PLAC1: variants seen among roughly 807,000 people sequenced by gnomAD.
PLAC1 encodes placenta-specific protein 1.
For missense variants in PLAC1, 136 were observed against 163.2 expected (o/e 0.83, Z 0.91); for synonymous variants, 68 against 62.1 (o/e 1.09, Z -0.44).
At chrX:134,703,582 CTGG>C (rs1457716525) in intron 2 of PLAC1, among the ~76,000 whole-genome samples, 3 of 110,501 alleles carry the variant, frequency 2.7e-5, no homozygotes, top group African/African-American at 6.6e-5. Flanking sequence ...CAATAAAGGA[CTGG>C]AGTTCAAGAA....
intron 2 of PLAC1, among the ~76,000 whole-genome samples, chrX:134,708,386 A>T (rs1290511089): frequency 9.0e-6 from 1 of 111,303 alleles, no homozygotes; most frequent in Non-Finnish European, 1.9e-5. Flanking sequence ...ATACTGTATT[A>T]TTTCACTTAT....
chrX:134,744,104 C>T (rs1200609458), intron 1 of PLAC1, among the ~76,000 whole-genome samples: 5 of 110,512 alleles, frequency 4.5e-5, no homozygotes, highest in East Asian at 2.8e-4. Context: ...GCCAACATGG[C>T]GAAAGCCCCA....
intron 2 of PLAC1, among the ~76,000 whole-genome samples, chrX:134,575,487 G>A (rs764593558): frequency 1.8e-5 from 2 of 109,630 alleles, no homozygotes; most frequent in East Asian, 2.9e-4. Context: ...ACAGGGTGTT[G>A]AGCCGGGCGC....
chrX:134,725,212 T>C (rs1356817174), intron 2 of PLAC1, among the ~76,000 whole-genome samples: 2 of 111,724 alleles, frequency 1.8e-5, no homozygotes, highest in African/African-American at 3.3e-5. Context: ...TGAATGTCAC[T>C]GTCACCCAGA....
rs758020198 is a variant in PLAC1 at position 134,602,822 on chromosome X, G to A, written c.-130-700C>T. On this transcript the variant is annotated intron_variant, in intron 1 of 2. Coordinates refer to ENST00000359237, the MANE Select transcript of PLAC1 (RefSeq NM_021796.4). The stretch of plus-strand genomic sequence containing the variant: ...GGTAAAGGGAGAAGCCAATTACAAA[G>A]GGCAGCATGAGGGGATTTGGGGGGT... Among the ~76,000 whole-genome samples, 3 of 110,025 alleles carry A rather than the reference G, an allele frequency of 2.7e-5. No individual in the cohort carries two copies. In the South Asian group the frequency reaches 1.2e-3, roughly 44 times the overall value.
intron 1 of PLAC1, among the ~76,000 whole-genome samples, chrX:134,652,853 A>G (rs1377081513): frequency 9.0e-6 from 1 of 111,707 alleles, no homozygotes; most frequent in Non-Finnish European, 1.9e-5. Context: ...CTTAAGAGAC[A>G]TGGCAGAGCT....
chrX:134,755,840 C>A (rs867358969), intron 1 of PLAC1, among the ~76,000 whole-genome samples: 5 of 84,604 alleles, frequency 5.9e-5, no homozygotes, highest in Non-Finnish European at 9.6e-5. Context: ...TCTTTCTTTT[C>A]TTTTTCCTTT....
intron 2 of PLAC1, among the ~76,000 whole-genome samples, chrX:134,691,419 G>A (rs143169769): frequency 2.3e-4 from 25 of 110,888 alleles, no homozygotes; most frequent in African/African-American, 6.6e-4. Flanking sequence ...GTGTGCTCTG[G>A]GCAAGCTTCA....
At chrX:134,663,987 T>A (rs1303187614) in intron 2 of PLAC1, among the ~76,000 whole-genome samples, 1 of 111,737 alleles carries the variant, frequency 8.9e-6, no homozygotes, top group Non-Finnish European at 1.9e-5. Context: ...ACAAGAGACT[T>A]TGAAGTTATA....
chrX:134,576,455 G>T (rs1367363834), intron 2 of PLAC1, among the ~76,000 whole-genome samples: 1 of 107,001 alleles, frequency 9.3e-6, no homozygotes, highest in Non-Finnish European at 1.9e-5. Context: ...AGAATCGCTT[G>T]AACCCAGGAG....
At chrX:134,694,272 T>C (rs766918069) in intron 2 of PLAC1, among the ~76,000 whole-genome samples, 1 of 111,621 alleles carries the variant, frequency 9.0e-6, no homozygotes, top group Non-Finnish European at 1.9e-5. Context: ...TCATTAGACA[T>C]GTTAATTTTT....
chrX:134,654,236 C>T (rs2078377500), intron 1 of PLAC1, among the ~76,000 whole-genome samples: 1 of 111,934 alleles, frequency 8.9e-6, no homozygotes. Flanking sequence ...TAACTAGCAC[C>T]ATTAGTGGAG....
At chrX:134,694,974 G>A (rs1456160387) in intron 2 of PLAC1, among the ~76,000 whole-genome samples, 1 of 112,035 alleles carries the variant, frequency 8.9e-6, no homozygotes, top group Non-Finnish European at 1.9e-5. Flanking sequence ...TGAAAGTCAG[G>A]TTGTACCTCT....
chrX:134,696,957 C>T (rs764110912), intron 2 of PLAC1, among the ~76,000 whole-genome samples: 238 of 107,576 alleles, frequency 2.2e-3, no homozygotes, highest in African/African-American at 7.6e-3. Context: ...GGCGTGAACC[C>T]GGGAGGCGGA....
At chrX:134,605,009 T>C (rs2078115846) in intron 1 of PLAC1, among the ~76,000 whole-genome samples, 1 of 111,084 alleles carries the variant, frequency 9.0e-6, no homozygotes, top group Admixed American at 9.6e-5. Context: ...CCATTGGTGC[T>C]TTGTCTACTT....
intron 2 of PLAC1, among the ~76,000 whole-genome samples, chrX:134,681,308 C>T (rs1044192175): frequency 9.0e-6 from 1 of 110,787 alleles, no homozygotes; most frequent in African/African-American, 3.3e-5. Flanking sequence ...AGGAGGGGGT[C>T]CTCCTGGGAA....
At chrX:134,670,044 T>C (rs1172843490) in intron 2 of PLAC1, among the ~76,000 whole-genome samples, 2 of 73,290 alleles carry the variant, frequency 2.7e-5, no homozygotes, top group Non-Finnish European at 4.7e-5. Flanking sequence ...GAGAAACACA[T>C]TTTTGTCTCT....
rs1472196909 is a variant in PLAC1, at chrX:134,750,859, A to T, written n.89+13375T>A. On this transcript the variant is annotated intron_variant and non_coding_transcript_variant, in intron 1 of 2. Transcript: ENST00000466797. Reference sequence around the variant, plus strand: ...TTTATATATATATTTATATATATATATTTTTATATATATATATTTATAAAT... The same window carrying T: ...TTTATATATATATTTATATATATATTTTTTTATATATATATATTTATAAAT... Among the ~76,000 whole-genome samples, 8 of 24,235 alleles carry T rather than the reference A, an allele frequency of 3.3e-4. 2 individuals carry two copies. The highest frequency in any genetic ancestry group is 1.5e-3 in the Admixed American group (2 of 1,371). 21.0% of individuals were successfully genotyped at this position (24,235 alleles called of 115,157 possible). A position where few individuals can be genotyped will look rare whatever the true frequency, so the allele number is the denominator to read the frequency against.
chrX:134,693,734 G>A (rs750563675), intron 2 of PLAC1, among the ~76,000 whole-genome samples: 1 of 111,825 alleles, frequency 8.9e-6, no homozygotes, highest in Non-Finnish European at 1.9e-5. Context: ...TGAAAATTAT[G>A]TGGGCAATCC....
Sources: gnomAD v4.1 joint callset for allele counts (sites outside exome capture counted in the v4.1 genomes callset) on GRCh38, gnomAD v4.1.1 for gene constraint, MANE v1.5 for transcripts, NCBI Gene and HGNC (gene_info 2026-07-23, HGNC 2026-07-21) for gene names.